Variants in SEMA5B observed in about 807,000 individuals in gnomAD.
SEMA5B encodes semaphorin-5B.
A neutral mutation model predicts 135.0 loss-of-function variants in SEMA5B; 66 were observed. The observed-to-expected ratio is 0.49, with a 90% confidence interval of 0.40 to 0.60. SEMA5B has a LOEUF of 0.60. SEMA5B is among the 20% of genes least tolerant of loss of function. SEMA5B has a pLI of 0.00. For missense variants in SEMA5B, 1,501 were observed against 1,566.3 expected, an observed-to-expected ratio of 0.96 and a Z score of 0.70; for synonymous variants, 690 against 639.5, an observed-to-expected ratio of 1.08 and a Z score of -1.19.
intron 2 of SEMA5B, among the ~76,000 whole-genome samples, chr3:122,954,977 T>G (rs538018229): frequency 2.0e-5 from 3 of 151,676 alleles, no homozygotes; most frequent in East Asian, 3.9e-4. Context: ...TTTGTTTTTT[T>G]TTTTTTGTAG....
chr3:123,011,535 G>C (rs1942438099), intron 1 of SEMA5B, among the ~76,000 whole-genome samples: 1 of 152,244 alleles, frequency 6.6e-6, no homozygotes, highest in Non-Finnish European at 1.5e-5. Flanking sequence ...CCAGCTGGAA[G>C]GTGGGGTTTC....
At chr3:122,959,739 G>A (rs940154606) in intron 2 of SEMA5B, among the ~76,000 whole-genome samples, 1 of 152,218 alleles carries the variant, frequency 6.6e-6, no homozygotes, top group Non-Finnish European at 1.5e-5. Flanking sequence ...GCCTCATAGA[G>A]TAGTAGTGTG....
rs1470302745 is a variant in SEMA5B, at chr3:122,913,947, G to A, written c.2043C>T (p.Gly681=). 6.2e-7 allele frequency: 1 copy of A among 1,612,266 alleles called. No homozygotes were observed. The highest frequency in any genetic ancestry group is 8.5e-7 in the Non-Finnish European group (1 of 1,179,880). ...TTCGCTGGCGGACCTGGAAGCCGATGCCACAGGACGTGCTGCACAGCGCCC... is the reference window on the plus strand; with the variant it reads ...TTCGCTGGCGGACCTGGAAGCCGATACCACAGGACGTGCTGCACAGCGCCC... ...SSWALCSTSC[G]IGFQVRQRSC... The change falls in exon 15 of 23, where the codon GGC becomes GGT. Residue 681 remains glycine (G), a synonymous_variant. Coordinates refer to ENST00000357599, the MANE Select transcript of SEMA5B (RefSeq NM_001031702.4).
chr3:122,924,645 C>A (rs11710442), intron 9 of SEMA5B, among the ~76,000 whole-genome samples: 10,807 of 152,200 alleles, frequency 0.071, 422 homozygotes, highest in Non-Finnish European at 0.083. Context: ...ACCCCTTCAC[C>A]CTCCTTCCTG....
At chr3:122,979,283 C>G (rs1313777003) in intron 1 of SEMA5B, among the ~76,000 whole-genome samples, 2 of 152,226 alleles carry the variant, frequency 1.3e-5, no homozygotes, top group Non-Finnish European at 2.9e-5. Context: ...GAGAGCCCCT[C>G]TGTCTCTGAG....
intron 5 of SEMA5B, among the ~76,000 whole-genome samples, chr3:122,939,110 A>G (rs909783574): frequency 6.6e-6 from 1 of 152,240 alleles, no homozygotes; most frequent in African/African-American, 2.4e-5. Flanking sequence ...GAAGTTCTGC[A>G]TTCTCAGTCC....
chr3:122,984,376 G>A (rs566015328), intron 1 of SEMA5B, among the ~76,000 whole-genome samples: 1 of 152,358 alleles, frequency 6.6e-6, no homozygotes, highest in East Asian at 1.9e-4. Flanking sequence ...AGCAGGGGTG[G>A]CCTCAGAAGG....
chr3:122,971,734 T>C (rs1482330507), intron 1 of SEMA5B, among the ~76,000 whole-genome samples: 1 of 152,228 alleles, frequency 6.6e-6, no homozygotes, highest in Non-Finnish European at 1.5e-5. Context: ...CCCCAAGGCT[T>C]TCTGGAAGGC....
intron 1 of SEMA5B, among the ~76,000 whole-genome samples, chr3:123,002,062 T>C (rs1198996990): frequency 1.3e-5 from 2 of 152,166 alleles, no homozygotes; most frequent in African/African-American, 4.8e-5. Flanking sequence ...CAGAATAGGC[T>C]GTGCATCCTA....
chr3:122,952,871 A>C (rs1940120066), intron 2 of SEMA5B, among the ~76,000 whole-genome samples: 1 of 152,156 alleles, frequency 6.6e-6, no homozygotes, highest in African/African-American at 2.4e-5. Context: ...GTCTGCTTCC[A>C]GGCTTGGGAA....
intron 1 of SEMA5B, among the ~76,000 whole-genome samples, chr3:122,967,017 T>G (rs1940880236): frequency 6.6e-6 from 1 of 151,850 alleles, no homozygotes; most frequent in East Asian, 1.9e-4. Flanking sequence ...CCTGAGTAGC[T>G]GGGATTGCAG....
At chr3:122,917,454 T>C (rs1007899515) in intron 12 of SEMA5B, among the ~76,000 whole-genome samples, 20 of 152,152 alleles carry the variant, frequency 1.3e-4, no homozygotes, top group African/African-American at 4.6e-4. Flanking sequence ...TTGCAGCTCT[T>C]GGCATCCCTG....
Position 123,024,878 on chromosome 3 carries a change from C to T in SEMA5B, c.-39+2586G>A, listed in dbSNP as rs545358676. Among the ~76,000 whole-genome samples the T allele has an allele frequency of 1.2e-4, 18 of 152,274 alleles. No individual in the cohort carries two copies. In the South Asian group the frequency reaches 3.3e-3, roughly 28 times the overall value. On this transcript the variant is annotated intron_variant, in intron 1 of 22. Coordinates refer to ENST00000357599, the MANE Select transcript of SEMA5B (RefSeq NM_001031702.4). Reference sequence around the variant, plus strand: ...ACTTGGCCAGTTTGGCTTTGAACTCCCAATTGTCCATAAGCTGGGCCACTC... The same window carrying T: ...ACTTGGCCAGTTTGGCTTTGAACTCTCAATTGTCCATAAGCTGGGCCACTC...
chr3:122,947,308 A>T (rs2107546545), intron 3 of SEMA5B, among the ~76,000 whole-genome samples: 1 of 152,230 alleles, frequency 6.6e-6, no homozygotes, highest in African/African-American at 2.4e-5. Flanking sequence ...CAGCTCAAAC[A>T]AGACAGCGCC....
chr3:123,024,981 T>A (rs923407282), intron 1 of SEMA5B, among the ~76,000 whole-genome samples: 5 of 152,082 alleles, frequency 3.3e-5, no homozygotes, highest in African/African-American at 1.2e-4. Flanking sequence ...ACATGGACAA[T>A]CTCCAGGGCC....
chr3:122,926,812 G>C, intron 8 of SEMA5B, 135 bp from the exon 9 acceptor site: 1 of 975,512 alleles, frequency 1.0e-6, no homozygotes, highest in Non-Finnish European at 1.5e-6. Flanking sequence ...TTGGTGACCT[G>C]GGGGCCCTAA....
intron 1 of SEMA5B, among the ~76,000 whole-genome samples, chr3:123,024,608 G>A (rs1942758250): frequency 6.6e-6 from 1 of 152,110 alleles, no homozygotes; most frequent in African/African-American, 2.4e-5. Flanking sequence ...CTCCCTCAAG[G>A]AACTTATCAT....
At chr3:122,916,441 C>G (rs1938081080) in intron 12 of SEMA5B, among the ~76,000 whole-genome samples, 1 of 152,232 alleles carries the variant, frequency 6.6e-6, no homozygotes, top group Non-Finnish European at 1.5e-5. Flanking sequence ...ACTCAACACT[C>G]TCTAGGGGCG....
At chr3:122,981,680 T>C (rs1386520811) in intron 1 of SEMA5B, among the ~76,000 whole-genome samples, 1 of 152,116 alleles carries the variant, frequency 6.6e-6, no homozygotes, top group African/African-American at 2.4e-5. Context: ...AACCAAGCCA[T>C]GAGAGAGGCA....
Sources: gnomAD v4.1 joint callset for allele counts (sites outside exome capture counted in the v4.1 genomes callset) on GRCh38, gnomAD v4.1.1 for gene constraint, MANE v1.5 for transcripts, NCBI Gene and HGNC (gene_info 2026-07-23, HGNC 2026-07-21) for gene names.